SPATS2L: variants seen among roughly 807,000 people sequenced by gnomAD.
SPATS2L encodes spermatogenesis associated serine rich 2 like.
Under a neutral mutation model 59.6 loss-of-function variants are expected in SPATS2L, and 30 were observed. That is an observed-to-expected ratio of 0.50 (90% confidence interval 0.38 to 0.68). SPATS2L has a LOEUF of 0.68. SPATS2L is among the 30% of genes least tolerant of loss of function. SPATS2L has a pLI of 0.00. For synonymous variants in SPATS2L, 252 were observed against 263.5 expected (o/e 0.96, Z 0.42); for missense variants, 615 against 700.0 (o/e 0.88, Z 1.37).
At chr2:200,421,537 CTAGT>C (rs1242913116) in intron 6 of SPATS2L, among the ~76,000 whole-genome samples, 3 of 152,222 alleles carry the variant, frequency 2.0e-5, no homozygotes, top group African/African-American at 7.2e-5. Context: ...CTGTAATACA[CTAGT>C]AAGTTCTTAA....
chr2:200,354,751 T>C (rs1054036413), intron 2 of SPATS2L, among the ~76,000 whole-genome samples: 4 of 152,242 alleles, frequency 2.6e-5, no homozygotes, highest in Admixed American at 1.3e-4. Context: ...AGGGATAGTT[T>C]GTAGAAAATA....
Position 200,306,902 on chromosome 2 carries a change from G to A in SPATS2L, c.-93G>A, listed in dbSNP as rs2079033152. 1.0e-6 allele frequency: 1 copy of A among 981,478 alleles called. No homozygotes were observed. Among genetic ancestry groups the A allele is most frequent in the Non-Finnish European group, 1.2e-6 (1 of 828,380 alleles). The allele number at this position is 981,478 out of a possible 1,614,324, so 60.8% of individuals were successfully genotyped here. On this transcript the variant is annotated 5_prime_UTR_variant, in exon 1 of 13. Coordinates refer to ENST00000409140, the MANE Select transcript of SPATS2L (RefSeq NM_001100423.2). ...GCCCCGGCTCCGGCCCGGGACGGAG[G>A]AGCCGGCGCTCGACACAGAGGTAAG...
intron 1 of SPATS2L, among the ~76,000 whole-genome samples, chr2:200,315,868 A>G (rs922653127): frequency 4.0e-5 from 6 of 150,038 alleles, no homozygotes; most frequent in African/African-American, 1.5e-4. Context: ...AAAAAAAAAA[A>G]AAAAAAAAGA....
At chr2:200,424,439 T>A (rs556710668) in intron 6 of SPATS2L, among the ~76,000 whole-genome samples, 2 of 152,276 alleles carry the variant, frequency 1.3e-5, no homozygotes, top group South Asian at 4.1e-4. Context: ...CAGTGAGCTA[T>A]GATTGTGCCA....
chr2:200,430,715 CTTT>C (rs1179889614), intron 6 of SPATS2L, among the ~76,000 whole-genome samples: 1 of 127,252 alleles, frequency 7.9e-6, no homozygotes, highest in African/African-American at 3.0e-5. Flanking sequence ...GAATTGTTTC[CTTT>C]TTTTTTTTTT....
At position 200,478,569 on chromosome 2, in the gene SPATS2L, T is replaced by C. The variant is rs890774855; in HGVS notation, c.*538T>C. On this transcript the variant is annotated 3_prime_UTR_variant, in exon 13 of 13. Transcript: ENST00000409140. ...TCTTTTATTGATACCCACCTAGTTA[T>C]TGAATGTACTGTTTAGTGCTTTCAA... 6.5e-6 allele frequency: 1 copy of C among 152,702 alleles called. No individual in the cohort carries two copies. Among genetic ancestry groups the C allele is most frequent in the Non-Finnish European group, 1.5e-5 (1 of 68,068 alleles). The allele number at this position is 152,702 out of a possible 1,614,324, so 9.5% of individuals were successfully genotyped here. A position where few individuals can be genotyped will look rare whatever the true frequency, so the allele number is the denominator to read the frequency against.
At chr2:200,474,055 A>G (rs1013146209) in intron 12 of SPATS2L, among the ~76,000 whole-genome samples, 1 of 152,020 alleles carries the variant, frequency 6.6e-6, no homozygotes, top group Admixed American at 6.6e-5. Context: ...TGGGCATGCT[A>G]TAAAGATACC....
At chr2:200,473,109 G>T in intron 12 of SPATS2L, 57 bp downstream of exon 12, 1 of 1,469,722 alleles carries the variant, frequency 6.8e-7, no homozygotes. Context: ...CCTGTTTCCA[G>T]AGGAAGAAAA....
intron 3 of SPATS2L, among the ~76,000 whole-genome samples, chr2:200,401,695 C>T (rs1386903289): frequency 1.3e-5 from 2 of 151,662 alleles, no homozygotes; most frequent in Non-Finnish European, 2.9e-5. Flanking sequence ...ATATTAGAGT[C>T]CCTGGGAAAT....
chr2:200,336,296 G>A (rs769712517), intron 2 of SPATS2L, among the ~76,000 whole-genome samples: 32 of 152,034 alleles, frequency 2.1e-4, no homozygotes, highest in Non-Finnish European at 3.8e-4. Context: ...CGTCCTGTTC[G>A]TATTGCCTTG....
chr2:200,390,507 T>C (rs2082137589), intron 3 of SPATS2L: 1 of 152,272 alleles, frequency 6.6e-6, no homozygotes, highest in African/African-American at 2.4e-5. Context: ...TGACATTTGA[T>C]TGAGATAAAG....
intron 3 of SPATS2L, among the ~76,000 whole-genome samples, chr2:200,405,627 A>T (rs1166405981): frequency 6.6e-6 from 1 of 152,118 alleles, no homozygotes; most frequent in African/African-American, 2.4e-5. Flanking sequence ...GTGGCCCAGC[A>T]AGTGAAGCAA....
At chr2:200,334,920 G>A (rs1418259139) in intron 2 of SPATS2L, among the ~76,000 whole-genome samples, 1 of 152,194 alleles carries the variant, frequency 6.6e-6, no homozygotes, top group Non-Finnish European at 1.5e-5. Flanking sequence ...CTGTAGCCTT[G>A]TAGTATAGTT....
intron 1 of SPATS2L, chr2:200,309,092 T>TAAC (rs1298978191): frequency 1.4e-6 from 1 of 717,872 alleles, no homozygotes; most frequent in Non-Finnish European, 2.6e-6. Flanking sequence ...TTTTGCCATG[T>TAAC]AAGTGGTAAG....
intron 2 of SPATS2L, among the ~76,000 whole-genome samples, chr2:200,360,047 G>T (rs2081045259): frequency 6.6e-6 from 1 of 152,124 alleles, no homozygotes; most frequent in Non-Finnish European, 1.5e-5. Context: ...TTTCTATAAA[G>T]TATGTGATAT....
At chr2:200,449,227 C>T (rs2085275452) in intron 8 of SPATS2L, among the ~76,000 whole-genome samples, 2 of 152,210 alleles carry the variant, frequency 1.3e-5, no homozygotes, top group African/African-American at 4.8e-5. Context: ...TTTGCAAGGA[C>T]TGAATGAATC....
intron 2 of SPATS2L, among the ~76,000 whole-genome samples, chr2:200,352,495 T>C (rs1009664779): frequency 1.3e-5 from 2 of 151,822 alleles, no homozygotes; most frequent in Non-Finnish European, 2.9e-5. Context: ...TAGGATCTCT[T>C]GTGAATCTGC....
Position 200,480,016 on chromosome 2 carries a change from T to G in SPATS2L, c.*1985T>G. ...CATCTGAGGCCCTGAATTCATATAT[T>G]ACAAGACGGAAGGATTTTGCACAGT... is the stretch of plus-strand genomic sequence containing the variant. On this transcript the variant is annotated 3_prime_UTR_variant, in exon 13 of 13. Transcript: ENST00000409140. 3.1e-6 allele frequency: 1 copy of G among 327,640 alleles called. No individual in the cohort carries two copies. Among genetic ancestry groups the G allele is most frequent in the Non-Finnish European group, 5.5e-6 (1 of 181,734 alleles). The allele number at this position is 327,640 out of a possible 1,614,324, so 20.3% of individuals were successfully genotyped here.
At chr2:200,397,345 C>CA (rs1433830836) in intron 3 of SPATS2L, among the ~76,000 whole-genome samples, 1 of 152,186 alleles carries the variant, frequency 6.6e-6, no homozygotes, top group Non-Finnish European at 1.5e-5. Context: ...AGTTATTTCT[C>CA]ACCATGATCC....
Sources: allele counts gnomAD v4.1 joint callset (sites outside exome capture counted in the v4.1 genomes callset), GRCh38; gene constraint gnomAD v4.1.1; transcripts MANE v1.5; gene names NCBI Gene and HGNC (gene_info 2026-07-23, HGNC 2026-07-21).